EDIL3: variants seen among roughly 807,000 people sequenced by gnomAD.
EDIL3 encodes EGF-like repeat and discoidin I-like domain-containing protein 3.
Under a neutral mutation model 67.4 loss-of-function variants are expected in EDIL3, and 37 were observed. The observed-to-expected ratio is 0.55, with a 90% CI of 0.42 to 0.72. EDIL3 has a LOEUF of 0.72. EDIL3 is among the 30% of genes least tolerant of loss of function. EDIL3 has a pLI of 0.00. For missense variants in EDIL3, 527 were observed against 586.3 expected, an observed-to-expected ratio of 0.90 and a Z score of 1.04; for synonymous variants, 195 against 196.3, an observed-to-expected ratio of 0.99 and a Z score of 0.05.
chr5:83,971,635 C>T (rs1280849905), intron 9 of EDIL3, among the ~76,000 whole-genome samples: 2 of 151,780 alleles, frequency 1.3e-5, no homozygotes, highest in Non-Finnish European at 2.9e-5. Context: ...CTATTCTTTT[C>T]TTGTTCTGCA....
chr5:84,082,674 T>C (rs563357188), intron 6 of EDIL3, among the ~76,000 whole-genome samples: 43 of 152,334 alleles, frequency 2.8e-4, no homozygotes, highest in Non-Finnish European at 3.4e-4. Flanking sequence ...AATCTCATTG[T>C]CACATTGAAA....
intron 6 of EDIL3, among the ~76,000 whole-genome samples, chr5:84,092,633 A>G (rs982762528): frequency 6.6e-6 from 1 of 152,184 alleles, no homozygotes; most frequent in African/African-American, 2.4e-5. Context: ...ATATACTAGT[A>G]TTTTAGAGCT....
At chr5:84,165,489 TC>T (rs1481590953) in intron 4 of EDIL3, among the ~76,000 whole-genome samples, 1 of 152,136 alleles carries the variant, frequency 6.6e-6, no homozygotes, top group Non-Finnish European at 1.5e-5. Flanking sequence ...TGCTGCTAGC[TC>T]CTGCCTTCCA....
At position 84,384,453 on chromosome 5, in the gene EDIL3, C is replaced by A; in HGVS notation, c.-79G>T. On this transcript the variant is annotated 5_prime_UTR_variant, in exon 1 of 11. Coordinates refer to ENST00000296591, the MANE Select transcript of EDIL3 (RefSeq NM_005711.5). The stretch of plus-strand genomic sequence containing the variant: ...GTGTAGCCGAGGTGGCAGCGCAGGG[C>A]AGCAGCAGACTCCGCCCCTACTAAA... The A allele has an allele frequency of 7.4e-7, 1 of 1,358,498 alleles. No homozygotes were observed. The highest frequency in any genetic ancestry group is 1.0e-6 in the Non-Finnish European group (1 of 957,094). The allele number at this position is 1,358,498 out of a possible 1,614,324, so 84.2% of individuals were successfully genotyped here.
At chr5:84,094,024 AG>A (rs1171873022) in intron 6 of EDIL3, among the ~76,000 whole-genome samples, 1 of 152,154 alleles carries the variant, frequency 6.6e-6, no homozygotes, top group Admixed American at 6.5e-5. Context: ...CAAAGAATCT[AG>A]AGTTAAGATC....
intron 10 of EDIL3, among the ~76,000 whole-genome samples, chr5:83,950,222 G>C (rs1744394350): frequency 6.6e-6 from 1 of 151,756 alleles, no homozygotes. Context: ...CGTGATAAAC[G>C]ATAACTGTAT....
intron 2 of EDIL3, among the ~76,000 whole-genome samples, chr5:84,239,367 G>C (rs1374480786): frequency 1.3e-5 from 2 of 152,046 alleles, no homozygotes; most frequent in African/African-American, 2.4e-5. Flanking sequence ...GTCTTGTTTA[G>C]GCGGCTTTAT....
intron 9 of EDIL3, among the ~76,000 whole-genome samples, chr5:83,979,656 C>T (rs60782344): frequency 0.012 from 1,763 of 151,800 alleles, 26 homozygotes; most frequent in African/African-American, 0.04. Flanking sequence ...TGAATATGAA[C>T]GTTTATATTT....
At chr5:84,009,327 T>A (rs938615093) in intron 9 of EDIL3, among the ~76,000 whole-genome samples, 1 of 152,200 alleles carries the variant, frequency 6.6e-6, no homozygotes, top group Non-Finnish European at 1.5e-5. Flanking sequence ...ATTAACCTGA[T>A]GACCATTTTG....
intron 9 of EDIL3, among the ~76,000 whole-genome samples, chr5:84,005,524 C>G (rs565305704): frequency 6.6e-6 from 1 of 152,168 alleles, no homozygotes; most frequent in South Asian, 2.1e-4. Context: ...GTTCAACATA[C>G]ACATATCAAT....
chr5:84,015,947 C>T (rs1194462611), intron 9 of EDIL3, among the ~76,000 whole-genome samples: 2 of 152,112 alleles, frequency 1.3e-5, no homozygotes, highest in African/African-American at 4.8e-5. Flanking sequence ...CACAGGTCAA[C>T]TTACTGGCAT....
chr5:84,356,260 T>C (rs1390516948), intron 1 of EDIL3, among the ~76,000 whole-genome samples: 5 of 152,228 alleles, frequency 3.3e-5, no homozygotes, highest in African/African-American at 7.2e-5. Flanking sequence ...CTTAAACACA[T>C]TGCTGTCTAA....
chr5:83,978,042 G>T (rs1034611785), intron 9 of EDIL3, among the ~76,000 whole-genome samples: 19 of 151,748 alleles, frequency 1.3e-4, no homozygotes, highest in African/African-American at 4.1e-4. Context: ...CAAGAGAAAA[G>T]AAATAAGCAT....
At chr5:84,198,394 A>C (rs1743759974) in intron 3 of EDIL3, among the ~76,000 whole-genome samples, 1 of 152,058 alleles carries the variant, frequency 6.6e-6, no homozygotes, top group Non-Finnish European at 1.5e-5. Context: ...GTATTTTAAG[A>C]AACTTAATTA....
At chr5:84,025,153 A>T (rs1189509099) in intron 9 of EDIL3, among the ~76,000 whole-genome samples, 1 of 152,220 alleles carries the variant, frequency 6.6e-6, no homozygotes, top group South Asian at 2.1e-4. Flanking sequence ...ACCTCGGCTA[A>T]GCAACTCAAT....
Position 84,352,036 on chromosome 5 carries a change from T to A in EDIL3, c.67+32272A>T, listed in dbSNP as rs186335949. Among the ~76,000 whole-genome samples, 590 of 151,900 alleles carry A rather than the reference T, an allele frequency of 3.9e-3. 2 individuals are homozygous for A. Among genetic ancestry groups the A allele is most frequent in the Non-Finnish European group, 5.9e-3 (399 of 67,920 alleles). On this transcript the variant is annotated intron_variant, in intron 1 of 10. Coordinates refer to ENST00000296591, the MANE Select transcript of EDIL3 (RefSeq NM_005711.5). ...AACAGGTAACAAATATATGAAAAAATGCTCAATATCACTAATCAACAGAGA... is the reference window on the plus strand; with the variant it reads ...AACAGGTAACAAATATATGAAAAAAAGCTCAATATCACTAATCAACAGAGA...
At chr5:84,207,692 A>T (rs938838100) in intron 3 of EDIL3, among the ~76,000 whole-genome samples, 2 of 152,068 alleles carry the variant, frequency 1.3e-5, no homozygotes, top group African/African-American at 4.8e-5. Context: ...CTGGTACCAA[A>T]ACAGAGATCT....
rs1012368916 is a variant in EDIL3 at position 83,943,305 on chromosome 5, T to A, written c.*114A>T. 8 of 1,462,410 alleles carry A rather than the reference T, an allele frequency of 5.5e-6. No homozygotes were observed. The highest frequency in any genetic ancestry group is 2.0e-4 in the Middle Eastern group (1 of 4,892). 90.6% of individuals were successfully genotyped at this position (1,462,410 alleles called of 1,614,324 possible). On this transcript the variant is annotated 3_prime_UTR_variant, in exon 11 of 11. Transcript: ENST00000296591. Reference sequence around the variant, plus strand: ...TAGTTGCCTACCATAATTTGAGCACTTTTTCATGAAAAAAAAAAAAAAACC... The same window carrying A: ...TAGTTGCCTACCATAATTTGAGCACATTTTCATGAAAAAAAAAAAAAAACC...
At position 84,377,086 on chromosome 5, in the gene EDIL3, G is replaced by A. The variant is rs930278181; in HGVS notation, c.67+7222C>T. 2.0e-5 allele frequency among the ~76,000 whole-genome samples: 3 copies of A among 152,146 alleles called. No individual in the cohort carries two copies. The South Asian group carries it at 6.2e-4, about 32-fold the overall frequency. On this transcript the variant is annotated intron_variant, in intron 1 of 10. Transcript: ENST00000296591. The stretch of plus-strand genomic sequence containing the variant: ...TCACGCCTGTAATCCCAGCACTTTG[G>A]GAGGCCAAGGCGGGTGGATCACGAG...
Sources: gnomAD v4.1 joint callset for allele counts (sites outside exome capture counted in the v4.1 genomes callset) on GRCh38, gnomAD v4.1.1 for gene constraint, MANE v1.5 for transcripts, NCBI Gene and HGNC (gene_info 2026-07-23, HGNC 2026-07-21) for gene names.